Variants in KIAA0232 observed in about 807,000 individuals in gnomAD.
KIAA0232 encodes the protein KIAA0232.
KIAA0232 carries 27 observed loss-of-function variants against 122.0 expected under a neutral mutation model. The observed-to-expected ratio is 0.22, with a 90% CI of 0.16 to 0.31. KIAA0232 has a LOEUF of 0.31. Among genes scored for constraint, KIAA0232 ranks in the 10% least tolerant of loss-of-function variants. KIAA0232 has a pLI of 1.00. For missense variants in KIAA0232, 1,551 were observed against 1,634.2 expected (o/e 0.95, Z 0.88); for synonymous variants, 613 against 587.6 (o/e 1.04, Z -0.63).
intron 2 of KIAA0232, among the ~76,000 whole-genome samples, chr4:6,820,454 A>C (rs774805007): frequency 2.0e-5 from 3 of 152,200 alleles, no homozygotes; most frequent in Non-Finnish European, 2.9e-5. Context: ...TTTAAAATTC[A>C]GTGTATCTCT....
At chr4:6,799,807 GC>G (rs1275417242) in intron 1 of KIAA0232, among the ~76,000 whole-genome samples, 3 of 151,924 alleles carry the variant, frequency 2.0e-5, no homozygotes, top group African/African-American at 7.3e-5. Flanking sequence ...CGATTCTCCT[GC>G]CTCAGCCTCC....
chr4:6,806,098 A>G (rs1434810835), intron 2 of KIAA0232, among the ~76,000 whole-genome samples: 1 of 152,118 alleles, frequency 6.6e-6, no homozygotes, highest in East Asian at 1.9e-4. Flanking sequence ...TTTGTCCTGT[A>G]AAGTGTCTGC....
intron 4 of KIAA0232, among the ~76,000 whole-genome samples, chr4:6,844,134 G>A (rs183115207): frequency 1.9e-4 from 29 of 151,526 alleles, no homozygotes; most frequent in Non-Finnish European, 5.9e-5. Context: ...TAGTGATGGG[G>A]TATCACCGTG....
chr4:6,861,519 G>C lies in KIAA0232; in HGVS notation c.1137G>C (p.Gly379=), dbSNP rs749762589. ...AAGAAATAGGGAGAAAAGATCCTGG[G>C]AGCACTGAAGGAAAAGACCTGTACA... ...PLKEIGRKDP[G]STEGKDLYME... is the part of the protein sequence containing the mutation. Residue 379 remains glycine (G), a synonymous_variant, in exon 7 of 10, where the codon GGG becomes GGC. Coordinates refer to ENST00000307659, the MANE Select transcript of KIAA0232 (RefSeq NM_014743.3). 1 of 1,614,086 alleles carries C rather than the reference G, an allele frequency of 6.2e-7. No homozygotes were observed. Among genetic ancestry groups the C allele is most frequent in the South Asian group, 1.1e-5 (1 of 91,066 alleles).
At chr4:6,806,575 A>G (rs1322937859) in intron 2 of KIAA0232, among the ~76,000 whole-genome samples, 5 of 151,958 alleles carry the variant, frequency 3.3e-5, no homozygotes, top group African/African-American at 1.2e-4. Context: ...TGTATTAAAA[A>G]TACAAAAAAT....
intron 2 of KIAA0232, among the ~76,000 whole-genome samples, chr4:6,822,870 T>C (rs1424892735): frequency 6.6e-6 from 1 of 150,648 alleles, no homozygotes; most frequent in East Asian, 2.0e-4. Context: ...GCTGGTGCGC[T>C]GCACCCACTA....
intron 2 of KIAA0232, among the ~76,000 whole-genome samples, chr4:6,805,957 T>G (rs1717596566): frequency 6.6e-6 from 1 of 152,162 alleles, no homozygotes; most frequent in Non-Finnish European, 1.5e-5. Context: ...TTCATAATAA[T>G]TTTGTTTTAT....
In KIAA0232 at chr4:6,861,724, C is replaced by A. The variant is rs1196366957; in HGVS notation, c.1342C>A (p.Leu448Ile). ...AGAATTGTCTGAATCAGTGCATGGT[C>A]TTTGTATCAGCAACAATAATCTTCA... ...VEELSESVHG[L>I]CISNNNLHKT... Residue 448 changes from leucine (L) to isoleucine (I), a missense_variant, in exon 7 of 10, where the codon CTT (leucine) becomes ATT (isoleucine). Leu to Ile is a conservative substitution (Grantham distance 5). Around this residue, in one of 5 missense-constraint regions of KIAA0232, gnomAD observed 1,108 missense variants for 1,154.8 expected, o/e 0.96. Coordinates refer to ENST00000307659, the MANE Select transcript of KIAA0232 (RefSeq NM_014743.3). 4.3e-6 allele frequency: 7 copies of A among 1,613,988 alleles called. No individual in the cohort carries two copies. The highest frequency in any genetic ancestry group is 5.9e-6 in the Non-Finnish European group (7 of 1,180,022).
intron 2 of KIAA0232, among the ~76,000 whole-genome samples, chr4:6,817,300 T>G (rs1052762659): frequency 2.4e-4 from 37 of 152,160 alleles, no homozygotes; most frequent in Admixed American, 2.3e-3. Context: ...TGCAGCCGCC[T>G]CCTCCTCCCA....
chr4:6,844,262 CCTA>C, intron 4 of KIAA0232, among the ~76,000 whole-genome samples: 1 of 151,610 alleles, frequency 6.6e-6, no homozygotes, highest in Non-Finnish European at 1.5e-5. Flanking sequence ...GTTTTTATCT[CCTA>C]CTGCCTAGCA....
chr4:6,811,916 C>G (rs1450783246), intron 2 of KIAA0232, among the ~76,000 whole-genome samples: 1 of 151,926 alleles, frequency 6.6e-6, no homozygotes, highest in Admixed American at 6.6e-5. Flanking sequence ...TGTTAATAGG[C>G]TTTAGTTGTT....
chr4:6,831,381 T>A (rs1356408265), intron 3 of KIAA0232, among the ~76,000 whole-genome samples: 1 of 152,210 alleles, frequency 6.6e-6, no homozygotes, highest in Non-Finnish European at 1.5e-5. Flanking sequence ...CTAGAAGTTT[T>A]TTCTTTGCAG....
intron 3 of KIAA0232, among the ~76,000 whole-genome samples, chr4:6,841,304 G>A (rs1405493830): frequency 6.6e-6 from 1 of 152,160 alleles, no homozygotes; most frequent in Non-Finnish European, 1.5e-5. Context: ...CAGTGCAAAG[G>A]AAATTTCTTT....
chr4:6,792,740 A>G (rs1475380089), intron 1 of KIAA0232, among the ~76,000 whole-genome samples: 1 of 131,524 alleles, frequency 7.6e-6, no homozygotes, highest in African/African-American at 2.9e-5. Flanking sequence ...CCCAGGCTGT[A>G]GTGCAATGGC....
chr4:6,843,903 G>T (rs771862671), intron 4 of KIAA0232, among the ~76,000 whole-genome samples: 9 of 149,084 alleles, frequency 6.0e-5, no homozygotes, highest in Non-Finnish European at 5.9e-5. Flanking sequence ...TGCTCACTGG[G>T]CGCAAGGACC....
At chr4:6,828,274 TG>T (rs1397486001) in intron 3 of KIAA0232, among the ~76,000 whole-genome samples, 1 of 152,200 alleles carries the variant, frequency 6.6e-6, no homozygotes, top group Non-Finnish European at 1.5e-5. Context: ...CTTGGGAAGC[TG>T]AGGTAGGAGG....
intron 3 of KIAA0232, 86 bp from the exon 4 acceptor site, chr4:6,841,981 T>C: frequency 6.7e-7 from 1 of 1,491,004 alleles, no homozygotes; most frequent in South Asian, 1.2e-5. Context: ...CAAGGGGCCT[T>C]TTTGTGACTG....
Position 6,863,865 on chromosome 4 carries a change from A to C in KIAA0232, c.3483A>C (p.Glu1161Asp). 4 of 1,614,204 alleles carry C rather than the reference A, an allele frequency of 2.5e-6. No homozygotes were observed. The highest frequency in any genetic ancestry group is 2.2e-5 in the East Asian group (1 of 44,884). The change falls in exon 7 of 10, where the codon GAA becomes GAC. Residue 1161 changes from glutamate to aspartate, a missense_variant. Transcript: ENST00000307659. ...CTTTGGAAGAAGATGCAGAGAAAGA[A>C]GGCCATTACTATGGAAAATCAGAGC... is the stretch of plus-strand genomic sequence containing the variant. ...LKPLEEDAEK[E>D]GHYYGKSELE...
intron 2 of KIAA0232, among the ~76,000 whole-genome samples, chr4:6,811,380 G>C (rs547972962): frequency 6.6e-6 from 1 of 152,304 alleles, no homozygotes; most frequent in Non-Finnish European, 1.5e-5. Flanking sequence ...GCCAGGTATT[G>C]CGTAAACCCT....
Sources: gnomAD v4.1 joint callset for allele counts (sites outside exome capture counted in the v4.1 genomes callset) on GRCh38, gnomAD v4.1.1 for gene constraint, gnomAD v4.1.1 regional missense constraint, MANE v1.5 for transcripts, NCBI Gene and HGNC (gene_info 2026-07-23, HGNC 2026-07-21) for gene names.